IQSEC3: variants seen among roughly 807,000 people sequenced by gnomAD.
IQSEC3 encodes IQ motif and Sec7 domain ArfGEF 3, also known as IQ motif and SEC7 domain-containing protein 3.
In IQSEC3, 50 loss-of-function variants were observed where a neutral mutation model predicts 105.4. That is an observed-to-expected ratio of 0.47 (90% CI 0.38 to 0.60). The LOEUF (loss-of-function observed/expected upper bound fraction) is 0.60. IQSEC3 is among the 20% of genes least tolerant of loss of function. IQSEC3 has a pLI of 0.00. For synonymous variants in IQSEC3, 708 were observed against 746.0 expected (o/e 0.95, Z 0.83); for missense variants, 1,415 against 1,630.0 (o/e 0.87, Z 2.27).
At chr12:159,978 C>T (rs57219790) in intron 7 of IQSEC3, among the ~76,000 whole-genome samples, 38,367 of 152,010 alleles carry the variant, frequency 0.25, 4,938 homozygotes, top group East Asian at 0.35. Flanking sequence ...GTGTCTCCTA[C>T]CAAGTTTTTC....
intron 2 of IQSEC3, among the ~76,000 whole-genome samples, chr12:103,812 A>AGGAGGAAGAGGTGGAGTTC (rs1864537188): frequency 1.6e-4 from 1 of 6,180 alleles, no homozygotes; most frequent in Non-Finnish European, 3.1e-4. Context: ...CGTGGGACTC[A>AGGAGGAAGAGGTGGAGTTC]GGTGGGGAGG....
intron 2 of IQSEC3, among the ~76,000 whole-genome samples, chr12:109,756 CTCTT>C (rs544959450): frequency 3.0e-4 from 46 of 152,216 alleles, no homozygotes; most frequent in African/African-American, 1.0e-3. Flanking sequence ...TCCTCTTGTA[CTCTT>C]TCTTCCTTTT....
intron 3 of IQSEC3, among the ~76,000 whole-genome samples, chr12:130,843 C>A (rs1865563959): frequency 6.6e-6 from 1 of 152,236 alleles, no homozygotes; most frequent in African/African-American, 2.4e-5. Context: ...GCACCAGCTT[C>A]CCCAGTCTCT....
At chr12:174,010 TCTGGG>T (rs1939141988) in intron 13 of IQSEC3, among the ~76,000 whole-genome samples, 1 of 152,170 alleles carries the variant, frequency 6.6e-6, no homozygotes, top group Admixed American at 6.5e-5. Context: ...CCCTCGGCTG[TCTGGG>T]CTGTTCTCGA....
At chr12:76,308 C>T (rs1863525237) in intron 1 of IQSEC3, among the ~76,000 whole-genome samples, 1 of 152,250 alleles carries the variant, frequency 6.6e-6, no homozygotes, top group Non-Finnish European at 1.5e-5. Flanking sequence ...CAGCTGTGTT[C>T]AGGGAAGTGT....
chr12:99,083 G>A (rs2136917076), intron 1 of IQSEC3, 63 bp from the exon 2 acceptor site: 3 of 1,452,636 alleles, frequency 2.1e-6, no homozygotes, highest in African/African-American at 2.8e-5. Flanking sequence ...ATGCTTTAGT[G>A]TCAGGCAGGG....
intron 1 of IQSEC3, among the ~76,000 whole-genome samples, chr12:78,294 C>A (rs563354720): frequency 6.2e-4 from 94 of 151,418 alleles, no homozygotes; most frequent in African/African-American, 2.2e-3. Context: ...GCCTTCGGGC[C>A]GGGTGCTGGG....
At chr12:132,231 G>T (rs1865626102) in intron 3 of IQSEC3, among the ~76,000 whole-genome samples, 1 of 152,152 alleles carries the variant, frequency 6.6e-6, no homozygotes, top group African/African-American at 2.4e-5. Flanking sequence ...ATTGCAGGCT[G>T]GGAGAGAACA....
intron 7 of IQSEC3, among the ~76,000 whole-genome samples, chr12:159,026 C>T (rs1227010835): frequency 6.6e-6 from 1 of 152,160 alleles, no homozygotes; most frequent in African/African-American, 2.4e-5. Flanking sequence ...GGATTTAGCC[C>T]TCTTTCATCC....
chr12:171,408 TC>T, intron 13 of IQSEC3: 1 of 1,288,622 alleles, frequency 7.8e-7, no homozygotes, highest in Non-Finnish European at 1.1e-6. Flanking sequence ...GAGGCCGAGC[TC>T]CCAGACTAAC....
chr12:138,913 AGGCCCCCGCAGAGCCCGC>A lies in IQSEC3; in HGVS notation c.1554_1571del (p.Pro519_Ala524del). ...AACTGCCTGGGCGCTCAGACGGTCC[AGGCCCCCGCAGAGCCCGC>A]GGCGGGCAAGGCCGAGCAGGGCGAG... On this transcript the variant is annotated inframe_deletion, in exon 4 of 14. Transcript: ENST00000538872. This position sits in a 1 kb window ranked among gnomAD's most constrained non-coding sequence, Gnocchi z 7.1. The A allele has an allele frequency of 6.2e-7, 1 of 1,604,152 alleles. No individual in the cohort carries two copies. The highest frequency in any genetic ancestry group is 8.5e-7 in the Non-Finnish European group (1 of 1,176,092).
chr12:115,558 T>C (rs551634027), intron 2 of IQSEC3, among the ~76,000 whole-genome samples: 2 of 152,200 alleles, frequency 1.3e-5, no homozygotes, highest in South Asian at 4.1e-4. Flanking sequence ...TGGGGATGCA[T>C]AAAGGGCCCA....
At chr12:77,957 T>C (rs1287855594) in intron 1 of IQSEC3, among the ~76,000 whole-genome samples, 1 of 150,094 alleles carries the variant, frequency 6.7e-6, no homozygotes, top group African/African-American at 2.4e-5. Context: ...ACGCGCCCCC[T>C]CCCAGCGTCC....
rs1866552211 is a variant in IQSEC3, at chr12:152,777, C to T, written c.2154-4248C>T. Among the ~76,000 whole-genome samples the T allele has an allele frequency of 6.6e-6, 1 of 152,156 alleles. No homozygotes were observed. The highest frequency in any genetic ancestry group is 2.4e-5 in the African/African-American group (1 of 41,446). ...CCTCACAAGATTAGGAAGCTGAAAGCCTGCTCTCCCTAGCTGTGGGAGCAT... is the reference window on the plus strand; with the variant it reads ...CCTCACAAGATTAGGAAGCTGAAAGTCTGCTCTCCCTAGCTGTGGGAGCAT... On this transcript the variant is annotated intron_variant, in intron 5 of 13. Transcript: ENST00000538872. The surrounding 1 kb of genome is among the most constrained non-coding windows in gnomAD (Gnocchi z 4.8).
chr12:165,643 C>T (rs1020156184), intron 10 of IQSEC3, 86 bp from the exon 11 acceptor site: 5 of 1,574,594 alleles, frequency 3.2e-6, no homozygotes, highest in Non-Finnish European at 4.4e-6. Context: ...AGGCATGAGA[C>T]CCCGTGCCCT....
intron 12 of IQSEC3, 144 bp from the exon 13 acceptor site, chr12:170,968 C>T (rs1267844666): frequency 8.7e-6 from 8 of 918,110 alleles, no homozygotes; most frequent in South Asian, 1.5e-5. Context: ...TCCTAAGTGG[C>T]AGAGTGGGGC....
At chr12:99,122 G>A in intron 1 of IQSEC3, 24 bp from the exon 2 acceptor site, 1 of 1,593,384 alleles carries the variant, frequency 6.3e-7, no homozygotes, top group Non-Finnish European at 8.5e-7. Context: ...CAGGCGCTCT[G>A]ATCTCCCTCT....
intron 3 of IQSEC3, among the ~76,000 whole-genome samples, chr12:130,875 G>A (rs972811561): frequency 8.6e-5 from 13 of 151,916 alleles, no homozygotes; most frequent in African/African-American, 2.2e-4. Context: ...CCTCACACCC[G>A]GGCTCGCCAG....
chr12:103,156 C>T (rs1555076686), intron 2 of IQSEC3, among the ~76,000 whole-genome samples: 1 of 151,844 alleles, frequency 6.6e-6, no homozygotes, highest in East Asian at 2.0e-4. Flanking sequence ...TAATTGCAGC[C>T]CTACTTTCGA....
Sources: allele counts gnomAD v4.1 joint callset (sites outside exome capture counted in the v4.1 genomes callset), GRCh38; gene constraint gnomAD v4.1.1; non-coding constraint Gnocchi (gnomAD v3.1); transcripts MANE v1.5; gene names NCBI Gene and HGNC (gene_info 2026-07-23, HGNC 2026-07-21).